IL1RAPL1: variants seen among roughly 807,000 people sequenced by gnomAD.
The protein encoded by IL1RAPL1 is interleukin 1 receptor accessory protein like 1.
In IL1RAPL1, 3 loss-of-function variants were observed where a neutral mutation model predicts 48.4. The ratio of observed to expected loss-of-function variants is 0.06; its 90% CI spans 0.03 to 0.16. The LOEUF is 0.16. Ranked by LOEUF, IL1RAPL1 falls within the 10% of genes least tolerant of loss-of-function variation. The pLI is 1.00. For synonymous variants in IL1RAPL1, 185 were observed against 187.7 expected (o/e 0.99, Z 0.12); for missense variants, 349 against 530.6 (o/e 0.66, Z 3.36).
chrX:28,853,479 ATG>A (rs1491410899), intron 2 of IL1RAPL1, among the ~76,000 whole-genome samples: 3 of 56,072 alleles, frequency 5.4e-5, no homozygotes, highest in African/African-American at 4.6e-4. Context: ...CCCTCAGTGC[ATG>A]TGTGTGCGCG....
At chrX:29,467,002 A>T (rs1934869812) in intron 5 of IL1RAPL1, among the ~76,000 whole-genome samples, 1 of 111,277 alleles carries the variant, frequency 9.0e-6, no homozygotes. Context: ...AAACTGCAGG[A>T]TAGGCCCAGT....
chrX:29,172,320 G>T (rs1227688006), intron 2 of IL1RAPL1, among the ~76,000 whole-genome samples: 1 of 111,883 alleles, frequency 8.9e-6, no homozygotes, highest in Non-Finnish European at 1.9e-5. Context: ...TTGAACACTA[G>T]TAGCATCACC....
chrX:28,713,000 A>T lies in IL1RAPL1; in HGVS notation c.-24-76320A>T, dbSNP rs1006355002. ...TTATTATTGGCTGTTATGCCAAAAGATAAAAAATTTCTTGTTCTATAATGC... is the reference window on the plus strand; with the variant it reads ...TTATTATTGGCTGTTATGCCAAAAGTTAAAAAATTTCTTGTTCTATAATGC... On this transcript the variant is annotated intron_variant, in intron 1 of 10. Coordinates refer to ENST00000378993, the MANE Select transcript of IL1RAPL1 (RefSeq NM_014271.4). Among the ~76,000 whole-genome samples the T allele has an allele frequency of 1.5e-4, 17 of 111,738 alleles. No individual in the cohort carries two copies. In the South Asian group the frequency reaches 4.1e-3, roughly 27 times the overall value.
intron 2 of IL1RAPL1, among the ~76,000 whole-genome samples, chrX:28,808,591 A>C (rs1405169316): frequency 9.0e-6 from 1 of 111,181 alleles, no homozygotes; most frequent in African/African-American, 3.3e-5. Flanking sequence ...ACATATTTAT[A>C]TGTTATAATA....
intron 6 of IL1RAPL1, among the ~76,000 whole-genome samples, chrX:29,726,574 G>A (rs1927780032): frequency 8.9e-6 from 1 of 112,353 alleles, no homozygotes; most frequent in African/African-American, 3.2e-5. Context: ...AAATGCTGCT[G>A]TACAAAGTAC....
chrX:29,309,669 C>G (rs1049509924), intron 3 of IL1RAPL1, among the ~76,000 whole-genome samples: 1 of 109,578 alleles, frequency 9.1e-6, no homozygotes, highest in Admixed American at 9.7e-5. Context: ...AAAAATTAGC[C>G]GGACGTGGTG....
chrX:28,762,170 A>G (rs898184575), intron 1 of IL1RAPL1, among the ~76,000 whole-genome samples: 1 of 111,983 alleles, frequency 8.9e-6, no homozygotes, highest in African/African-American at 3.2e-5. Flanking sequence ...AAGGAAATAT[A>G]TGATTTTCAA....
At chrX:28,683,838 G>A (rs747763787) in intron 1 of IL1RAPL1, among the ~76,000 whole-genome samples, 35 of 112,075 alleles carry the variant, frequency 3.1e-4, no homozygotes, top group Non-Finnish European at 6.2e-4. Flanking sequence ...AGTCACATCA[G>A]TCTGACCTCT....
At chrX:29,782,096 G>GTCTATCTATCTATCTATCTATCTATCTA (rs1464490641) in intron 6 of IL1RAPL1, among the ~76,000 whole-genome samples, 1 of 90,465 alleles carries the variant, frequency 1.1e-5, no homozygotes, top group Non-Finnish European at 2.2e-5. Flanking sequence ...CTGTCTGTCT[G>GTCTATCTATCTATCTATCTATCTATCTA]TCTGTCTATC....
At chrX:29,867,223 C>T (rs972016363) in intron 6 of IL1RAPL1, among the ~76,000 whole-genome samples, 32 of 111,635 alleles carry the variant, frequency 2.9e-4, no homozygotes, top group African/African-American at 1.0e-3. Flanking sequence ...TAAACTTTTG[C>T]CCTGATTTGG....
intron 5 of IL1RAPL1, among the ~76,000 whole-genome samples, chrX:29,508,340 A>G (rs1309308834): frequency 2.7e-5 from 3 of 111,632 alleles, no homozygotes; most frequent in African/African-American, 9.8e-5. Context: ...GATGTATGCA[A>G]TTTGTGGACT....
intron 6 of IL1RAPL1, among the ~76,000 whole-genome samples, chrX:29,892,097 C>T (rs986565390): frequency 3.6e-5 from 4 of 111,917 alleles, no homozygotes; most frequent in African/African-American, 6.5e-5. Context: ...TTTCCTTTCC[C>T]GCTCAAATGA....
At chrX:29,175,578 G>A (rs997188931) in intron 2 of IL1RAPL1, among the ~76,000 whole-genome samples, 2 of 110,605 alleles carry the variant, frequency 1.8e-5, no homozygotes, top group African/African-American at 6.6e-5. Context: ...TGGGTGTGGT[G>A]GCTCACACTT....
At chrX:29,884,459 A>G (rs1414761292) in intron 6 of IL1RAPL1, among the ~76,000 whole-genome samples, 2 of 108,550 alleles carry the variant, frequency 1.8e-5, no homozygotes, top group Admixed American at 9.8e-5. Context: ...CATTCTGGTC[A>G]CTCCCTCTCA....
intron 2 of IL1RAPL1, among the ~76,000 whole-genome samples, chrX:29,079,340 A>G (rs1927750832): frequency 9.0e-6 from 1 of 111,573 alleles, no homozygotes. Context: ...AATGATGCAT[A>G]TGTCCTACTA....
At chrX:28,987,904 G>A in intron 2 of IL1RAPL1, among the ~76,000 whole-genome samples, 1 of 111,834 alleles carries the variant, frequency 8.9e-6, no homozygotes, top group Middle Eastern at 4.6e-3. Context: ...ATTCAGCCCT[G>A]CTTTTGAGCA....
chrX:29,078,165 G>T (rs769539162), intron 2 of IL1RAPL1, among the ~76,000 whole-genome samples: 1 of 111,593 alleles, frequency 9.0e-6, no homozygotes, highest in African/African-American at 3.3e-5. Context: ...CCAGCTACTC[G>T]GGAAGCTGAG....
chrX:28,778,602 T>C (rs1042630718), intron 1 of IL1RAPL1, among the ~76,000 whole-genome samples: 2 of 111,719 alleles, frequency 1.8e-5, no homozygotes, highest in Non-Finnish European at 3.8e-5. Context: ...AACTGTGTAG[T>C]GTTTTTATTT....
chrX:29,415,577 G>A (rs905959525), intron 5 of IL1RAPL1, among the ~76,000 whole-genome samples: 27 of 110,279 alleles, frequency 2.4e-4, no homozygotes, highest in Non-Finnish European at 4.9e-4. Context: ...GTGCCACCAC[G>A]CCCGGCTAAT....
Sources: gnomAD v4.1 joint callset for allele counts (sites outside exome capture counted in the v4.1 genomes callset) on GRCh38, gnomAD v4.1.1 for gene constraint, MANE v1.5 for transcripts, NCBI Gene and HGNC (gene_info 2026-07-23, HGNC 2026-07-21) for gene names.